The following NRAS variants were observed in gnomAD, a reference collection of about 807,000 sequenced individuals.
The protein encoded by NRAS is GTPase NRas.
A neutral mutation model predicts 21.3 loss-of-function variants in NRAS; 6 were observed. The observed-to-expected ratio is 0.28, with a 90% CI of 0.15 to 0.56. The LOEUF is 0.56. Ranked by LOEUF, NRAS falls within the 20% of genes least tolerant of loss-of-function variation. The pLI is 0.93. For synonymous variants in NRAS, 84 were observed against 82.0 expected (o/e 1.02, Z -0.13); for missense variants, 143 against 231.3 (o/e 0.62, Z 2.48).
At chr1:114,714,003 C>G (rs1206291874) in intron 2 of NRAS, 25 bp from the exon 3 acceptor site, 3 of 1,171,608 alleles carry the variant, frequency 2.6e-6, no homozygotes, top group Non-Finnish European at 3.6e-6. Context: ...GGTAAGGGGG[C>G]AGGGAGGGAG....
At chr1:114,716,224 G>T in intron 1 of NRAS, 47 bp from the exon 2 acceptor site, 1 of 1,029,076 alleles carries the variant, frequency 9.7e-7, no homozygotes, top group Non-Finnish European at 1.5e-6. Context: ...CACATCTACA[G>T]TACTTTAAAG....
Position 114,705,629 on chromosome 1 carries a change from CT to C in NRAS, c.*2464del, listed in dbSNP as rs1163820283. 6 of 151,488 alleles carry C rather than the reference CT, an allele frequency of 4.0e-5. No individual in the cohort carries two copies. The highest frequency in any genetic ancestry group is 9.7e-5 in the African/African-American group (4 of 41,254). The allele number at this position is 151,488 out of a possible 1,614,324, so 9.4% of individuals were successfully genotyped here. On this transcript the variant is annotated 3_prime_UTR_variant, in exon 7 of 7. Transcript: ENST00000369535. ...TGCCAAAATTCACACCTAGGTGTAA[CT>C]TTTTTTTTGGAGACAAGTCTCTCTT...
At chr1:114,714,988 T>C (rs1425172728) in intron 2 of NRAS, among the ~76,000 whole-genome samples, 1 of 152,192 alleles carries the variant, frequency 6.6e-6, no homozygotes, top group Non-Finnish European at 1.5e-5. Context: ...AAGTTAGGCA[T>C]TTCTAAACTG....
intron 2 of NRAS, among the ~76,000 whole-genome samples, chr1:114,715,315 G>A (rs536884191): frequency 1.3e-5 from 2 of 152,272 alleles, no homozygotes; most frequent in East Asian, 1.9e-4. Flanking sequence ...GTGAGCCACC[G>A]TGTCCGGCAA....
At chr1:114,712,371 C>T (rs1274016636) in intron 3 of NRAS, among the ~76,000 whole-genome samples, 2 of 152,134 alleles carry the variant, frequency 1.3e-5, no homozygotes, top group Non-Finnish European at 2.9e-5. Context: ...TCACTTAAGC[C>T]TATTTTTCAT....
Position 114,704,877 on chromosome 1 carries a change from G to C in NRAS, c.*3217C>G, listed in dbSNP as rs1342498437. 1 of 152,164 alleles carries C rather than the reference G, an allele frequency of 6.6e-6. No individual in the cohort carries two copies. Among genetic ancestry groups the C allele is most frequent in the Non-Finnish European group, 1.5e-5 (1 of 68,036 alleles). 9.4% of individuals were successfully genotyped at this position (152,164 alleles called of 1,614,324 possible). A position where few individuals can be genotyped will look rare whatever the true frequency, so the allele number is the denominator to read the frequency against. On this transcript the variant is annotated 3_prime_UTR_variant, in exon 7 of 7. Coordinates refer to ENST00000369535, the MANE Select transcript of NRAS (RefSeq NM_002524.5). ...AAACAAATACCTTAGATAATTGTGT[G>C]GCACATTAGACTGCTCAAAGAAACA...
At chr1:114,714,904 AGAGT>A (rs1269095024) in intron 2 of NRAS, among the ~76,000 whole-genome samples, 2 of 152,268 alleles carry the variant, frequency 1.3e-5, no homozygotes, top group African/African-American at 4.8e-5. Context: ...TGGCTACATT[AGAGT>A]TAGTTTTCAT....
At chr1:114,709,545 C>T (rs2101738545) in intron 4 of NRAS, 24 bp downstream of exon 4, 1 of 1,605,834 alleles carries the variant, frequency 6.2e-7, no homozygotes, top group Non-Finnish European at 8.5e-7. Context: ...AACTCTTGCA[C>T]AAATGCTGAA....
intron 2 of NRAS, among the ~76,000 whole-genome samples, chr1:114,715,788 T>C (rs1042953678): frequency 2.6e-5 from 4 of 152,220 alleles, no homozygotes; most frequent in African/African-American, 9.6e-5. Context: ...CTGTTATATA[T>C]GAAGAAACTC....
chr1:114,710,490 C>T (rs1659021607), intron 3 of NRAS, among the ~76,000 whole-genome samples: 1 of 149,028 alleles, frequency 6.7e-6, no homozygotes, highest in Non-Finnish European at 1.5e-5. Context: ...GCACTCCAGC[C>T]TGGGCAACAG....
intron 2 of NRAS, among the ~76,000 whole-genome samples, 200 bp downstream of exon 2, chr1:114,715,850 T>C (rs1463745376): frequency 6.6e-6 from 1 of 152,196 alleles, no homozygotes; most frequent in Non-Finnish European, 1.5e-5. Flanking sequence ...TGTTAAAAAC[T>C]GGACAGGTTT....
intron 2 of NRAS, among the ~76,000 whole-genome samples, chr1:114,714,655 C>G (rs1006843050): frequency 6.6e-6 from 1 of 152,002 alleles, no homozygotes; most frequent in Non-Finnish European, 1.5e-5. Flanking sequence ...TTGGAGAACT[C>G]TCTGGAGTAC....
chr1:114,713,994 G>GT lies in NRAS; in HGVS notation c.112-17dup. 2 of 921,810 alleles carry GT rather than the reference G, an allele frequency of 2.2e-6. No individual in the cohort carries two copies. Among genetic ancestry groups the GT allele is most frequent in the Non-Finnish European group, 3.3e-6 (2 of 601,394 alleles). The allele number at this position is 921,810 out of a possible 1,614,324, so 57.1% of individuals were successfully genotyped here. ...TGTAAGAATCCTGGGGGTGTGGAGG[G>GT]TAAGGGGGCAGGGAGGGAGGGAAGT... On this transcript the variant is annotated splice_polypyrimidine_tract_variant and intron_variant, in intron 2 of 6. Coordinates refer to ENST00000369535, the MANE Select transcript of NRAS (RefSeq NM_002524.5).
intron 2 of NRAS, 53 bp from the exon 3 acceptor site, chr1:114,714,031 T>C: frequency 9.9e-7 from 1 of 1,007,714 alleles, no homozygotes; most frequent in South Asian, 1.4e-5. Context: ...CAATTTTTAT[T>C]AAAAACCACA....
chr1:114,709,808 C>CCTCCCAAAGTGCTGAG, intron 3 of NRAS, 80 bp from the exon 4 acceptor site: 1 of 1,209,882 alleles, frequency 8.3e-7, no homozygotes, highest in Non-Finnish European at 1.2e-6. Context: ...GCAATCTCAG[C>CCTCCCAAAGTGCTGAG]ACTTTGGGAG....
chr1:114,711,532 C>T (rs1486793430), intron 3 of NRAS, among the ~76,000 whole-genome samples: 9 of 149,176 alleles, frequency 6.0e-5, no homozygotes, highest in African/African-American at 2.0e-4. Flanking sequence ...ACCCGGGAGG[C>T]GGAGGTTGCA....
intron 1 of NRAS, 55 bp downstream of exon 1, chr1:114,716,603 A>C (rs1659178867): frequency 3.2e-6 from 1 of 316,998 alleles, no homozygotes; most frequent in Admixed American, 4.5e-5. Context: ...GCATCAGTGA[A>C]ACGCCTGAAC....
intron 4 of NRAS, 119 bp downstream of exon 4, chr1:114,709,435 AAAAAAAATAAAAAAT>A (rs1658990841): frequency 2.6e-6 from 2 of 781,088 alleles, no homozygotes; most frequent in Non-Finnish European, 4.2e-6. Context: ...ACTCTGCCTA[AAAAAAAATAAAAAAT>A]AAAAAAATAA....
In NRAS at chr1:114,705,083, A is replaced by G. The variant is rs1658880110; in HGVS notation, c.*3011T>C. ...GCTGCCAACTTAGGAGTTCATGACT[A>G]TAAATATAAAGCAAATATGATTATG... On this transcript the variant is annotated 3_prime_UTR_variant, in exon 7 of 7. Coordinates refer to ENST00000369535, the MANE Select transcript of NRAS (RefSeq NM_002524.5). 1 of 152,196 alleles carries G rather than the reference A, an allele frequency of 6.6e-6. No individual in the cohort carries two copies. Among genetic ancestry groups the G allele is most frequent in the Non-Finnish European group, 1.5e-5 (1 of 68,036 alleles). 9.4% of individuals were successfully genotyped at this position (152,196 alleles called of 1,614,324 possible).
Sources: gnomAD v4.1 joint callset for allele counts (sites outside exome capture counted in the v4.1 genomes callset) on GRCh38, gnomAD v4.1.1 for gene constraint, MANE v1.5 for transcripts, NCBI Gene and HGNC (gene_info 2026-07-23, HGNC 2026-07-21) for gene names.